The following TBCK variants were observed in gnomAD, a reference collection of about 807,000 sequenced individuals.
The protein encoded by TBCK is TBC1 domain containing kinase, also known as TBC domain-containing protein kinase-like protein.
A neutral mutation model predicts 113.4 loss-of-function variants in TBCK; 99 were observed. The ratio of observed to expected loss-of-function variants is 0.87; its 90% CI spans 0.74 to 1.03. The LOEUF (loss-of-function observed/expected upper bound fraction) is 1.03, where lower values mean the gene tolerates loss of function less well. TBCK is among the 50% of genes least tolerant of loss of function. The pLI, the probability that TBCK is intolerant of heterozygous loss-of-function variation, is 0.00. For missense variants in TBCK, 1,045 were observed against 1,061.3 expected (o/e 0.98, Z 0.21); for synonymous variants, 369 against 370.8 (o/e 1.00, Z 0.05).
At chr4:106,221,147 G>A (rs1183366168) in intron 19 of TBCK, among the ~76,000 whole-genome samples, 1 of 152,088 alleles carries the variant, frequency 6.6e-6, no homozygotes, top group Non-Finnish European at 1.5e-5. Context: ...ACCACACCCA[G>A]CTAATTTTTG....
At position 106,131,708 on chromosome 4, in the gene TBCK, GAGTAAC is replaced by G. The variant is rs1299474343; in HGVS notation, c.2236-15336_2236-15331del. Reference sequence around the variant, plus strand: ...AAAATGTGGAAGCAAGTTTGGAACTGAGTAACAGACAGAAGTTGGAACAGTTTGGAG... The same window carrying G: ...AAAATGTGGAAGCAAGTTTGGAACTGAGACAGAAGTTGGAACAGTTTGGAG... On this transcript the variant is annotated intron_variant, in intron 23 of 25. Transcript: ENST00000394708. Among the ~76,000 whole-genome samples the G allele has an allele frequency of 2.6e-5, 4 of 152,324 alleles. No homozygotes were observed. In the East Asian group the frequency reaches 5.8e-4, roughly 22 times the overall value.
Position 106,135,868 on chromosome 4 carries a change from C to T in TBCK, c.2236-19490G>A, listed in dbSNP as rs1229315778. Among the ~76,000 whole-genome samples, 2 of 141,368 alleles carry T rather than the reference C, an allele frequency of 1.4e-5. 1 individual carries two copies. The highest frequency in any genetic ancestry group is 3.2e-5 in the Non-Finnish European group (2 of 62,334). 92.7% of individuals were successfully genotyped at this position (141,368 alleles called of 152,430 possible). On this transcript the variant is annotated intron_variant, in intron 23 of 25. Transcript: ENST00000394708. ...GAGAAAATAGTATTGAATAGGTAGACAAGTGCCAGATTATGAGATCTCTGA... is the reference window on the plus strand; with the variant it reads ...GAGAAAATAGTATTGAATAGGTAGATAAGTGCCAGATTATGAGATCTCTGA...
At chr4:106,200,580 C>T (rs1001747275) in intron 20 of TBCK, among the ~76,000 whole-genome samples, 12 of 151,996 alleles carry the variant, frequency 7.9e-5, no homozygotes, top group Non-Finnish European at 1.3e-4. Flanking sequence ...TTTACCTGAG[C>T]ACATAACATC....
At chr4:106,196,695 G>A (rs1012454210) in intron 20 of TBCK, among the ~76,000 whole-genome samples, 1 of 152,026 alleles carries the variant, frequency 6.6e-6, no homozygotes, top group African/African-American at 2.4e-5. Flanking sequence ...TGACTTCACT[G>A]TAATGAGTAA....
chr4:106,054,038 C>A (rs1735114297), intron 25 of TBCK, among the ~76,000 whole-genome samples: 1 of 151,758 alleles, frequency 6.6e-6, no homozygotes, highest in Non-Finnish European at 1.5e-5. Flanking sequence ...CCGCTATGGT[C>A]TAACCCTCAC....
chr4:106,242,419 TTTAA>T, intron 12 of TBCK, 47 bp downstream of exon 12: 4 of 1,411,582 alleles, frequency 2.8e-6, no homozygotes, highest in Non-Finnish European at 3.9e-6. Context: ...TCTGTAAGGT[TTTAA>T]TTAAAGAAAA....
chr4:106,237,620 G>A, intron 12 of TBCK: 1 of 422,854 alleles, frequency 2.4e-6, no homozygotes, highest in African/African-American at 2.0e-5. Context: ...GTGCACCCAT[G>A]TGAGTTATTC....
chr4:106,113,568 C>T (rs766967668), intron 24 of TBCK, among the ~76,000 whole-genome samples: 4 of 152,112 alleles, frequency 2.6e-5, no homozygotes, highest in East Asian at 1.9e-4. Flanking sequence ...GATTCCAGCA[C>T]GATCCATCAA....
At chr4:106,296,640 A>T (rs998053080) in intron 2 of TBCK, among the ~76,000 whole-genome samples, 2 of 152,130 alleles carry the variant, frequency 1.3e-5, no homozygotes, top group African/African-American at 2.4e-5. Context: ...TGTCTAGTGA[A>T]ATGGGATTAT....
chr4:106,195,933 C>A (rs1286024764), intron 20 of TBCK, among the ~76,000 whole-genome samples: 15 of 151,920 alleles, frequency 9.9e-5, no homozygotes, highest in Admixed American at 9.8e-4. Context: ...CTCTAGAGAA[C>A]CCTAATACAG....
At chr4:106,089,178 T>G (rs187083805) in intron 25 of TBCK, among the ~76,000 whole-genome samples, 1 of 152,062 alleles carries the variant, frequency 6.6e-6, no homozygotes, top group East Asian at 1.9e-4. Flanking sequence ...GGAGTTAGCA[T>G]GTCACATGGC....
chr4:106,185,919 T>C (rs1358441745), intron 22 of TBCK, among the ~76,000 whole-genome samples: 1 of 152,140 alleles, frequency 6.6e-6, no homozygotes, highest in Admixed American at 6.6e-5. Context: ...TGTCTATTGT[T>C]CTCTTCGTTG....
intron 11 of TBCK, among the ~76,000 whole-genome samples, chr4:106,244,093 T>C (rs906665010): frequency 6.6e-6 from 1 of 152,172 alleles, no homozygotes. Flanking sequence ...CCCAAGGCTG[T>C]AGAGGTATTT....
chr4:106,222,257 C>T (rs1224389277), intron 19 of TBCK, among the ~76,000 whole-genome samples: 1 of 151,694 alleles, frequency 6.6e-6, no homozygotes, highest in Non-Finnish European at 1.5e-5. Flanking sequence ...AAATTGTCAT[C>T]TTCCCTTCTA....
At position 106,264,801 on chromosome 4, in the gene TBCK, A is replaced by C. The variant is rs150274261; in HGVS notation, c.267-2589T>G. 2.2e-3 allele frequency among the ~76,000 whole-genome samples: 328 copies of C among 152,052 alleles called. 1 individual carries two copies. Among genetic ancestry groups the C allele is most frequent in the African/African-American group, 7.5e-3 (311 of 41,526 alleles). ...AATTTCTTTTTTGTTTAGCTATAAG[A>C]CATCTTGAGAAATTGTTTCATACAG... On this transcript the variant is annotated intron_variant, in intron 3 of 25. Transcript: ENST00000394708.
intron 22 of TBCK, among the ~76,000 whole-genome samples, chr4:106,188,430 C>T (rs913616239): frequency 1.3e-5 from 2 of 152,084 alleles, no homozygotes; most frequent in African/African-American, 4.8e-5. Context: ...TATAAACATT[C>T]AATAGTAAAG....
intron 17 of TBCK, 109 bp from the exon 18 acceptor site, chr4:106,231,888 A>T: frequency 1.0e-6 from 1 of 970,582 alleles, no homozygotes; most frequent in Non-Finnish European, 1.6e-6. Context: ...ATTAAACATT[A>T]GAAGTATTAT....
At chr4:106,148,661 T>C (rs554658146) in intron 23 of TBCK, among the ~76,000 whole-genome samples, 1 of 152,346 alleles carries the variant, frequency 6.6e-6, no homozygotes, top group South Asian at 2.1e-4. Flanking sequence ...TAAACCACAC[T>C]GTAAACAGGT....
At chr4:106,173,116 C>T (rs1751228338) in intron 22 of TBCK, among the ~76,000 whole-genome samples, 2 of 152,122 alleles carry the variant, frequency 1.3e-5, no homozygotes, top group South Asian at 4.1e-4. Flanking sequence ...ATTTCATCAC[C>T]TCATATGCTA....
Sources: allele counts gnomAD v4.1 joint callset (sites outside exome capture counted in the v4.1 genomes callset), GRCh38; gene constraint gnomAD v4.1.1; transcripts MANE v1.5; gene names NCBI Gene and HGNC (gene_info 2026-07-23, HGNC 2026-07-21).